The following PCTP variants were observed in gnomAD, a reference collection of about 807,000 sequenced individuals.
PCTP encodes the protein START domain-containing protein 2.
In PCTP, 27 loss-of-function variants were observed where a neutral mutation model predicts 31.0. The ratio of observed to expected loss-of-function variants is 0.87; its 90% confidence interval spans 0.64 to 1.20. PCTP has a LOEUF of 1.20. Among genes scored for constraint, PCTP ranks in the 50% most tolerant of loss-of-function variants. The pLI is 0.00. For missense variants in PCTP, 287 were observed against 268.2 expected (o/e 1.07, Z -0.49); for synonymous variants, 108 against 101.2 (o/e 1.07, Z -0.40).
In PCTP at chr17:55,796,154, G is replaced by T. The variant is rs368473322; in HGVS notation, c.317+8500G>T. The stretch of plus-strand genomic sequence containing the variant: ...ATGAGATAAATATGTTGCCATCAGA[G>T]ATTAGAGTACTGTGTCAGTAATAAT... On this transcript the variant is annotated intron_variant, in intron 3 of 3. Coordinates refer to the PCTP transcript ENST00000572536. Among the ~76,000 whole-genome samples, 86 of 152,112 alleles carry T rather than the reference G, an allele frequency of 5.7e-4. 1 individual carries two copies. The South Asian group carries it at 0.017, about 29-fold the overall frequency.
At chr17:55,770,842 C>A (rs1910948708) in intron 2 of PCTP, 1 of 296,772 alleles carries the variant, frequency 3.4e-6, no homozygotes. Flanking sequence ...ACCTCAGCCT[C>A]CAGAGTAGCT....
At chr17:55,845,722 A>G (rs1598028112), downstream of PCTP, among the ~76,000 whole-genome samples, 1 of 150,864 alleles carries the variant, frequency 6.6e-6, no homozygotes, top group African/African-American at 2.4e-5. Flanking sequence ...AGCACCTGGG[A>G]CCCCCGGGAC....
At position 55,785,510 on chromosome 17, in the gene PCTP, A is replaced by G. The variant is rs560090155; in HGVS notation, c.229-2056A>G. Among the ~76,000 whole-genome samples the G allele has an allele frequency of 3.9e-5, 6 of 152,364 alleles. No individual in the cohort carries two copies. In the East Asian group the frequency reaches 9.6e-4, roughly 24 times the overall value. On this transcript the variant is annotated intron_variant, in intron 2 of 3. Coordinates refer to the PCTP transcript ENST00000572536. Reference sequence around the variant, plus strand: ...TTAAGCCAGTAAGATCTATGTAGTGATAGATAACTGAAGCAATGCCTCATT... The same window carrying G: ...TTAAGCCAGTAAGATCTATGTAGTGGTAGATAACTGAAGCAATGCCTCATT...
intron 3 of PCTP, among the ~76,000 whole-genome samples, chr17:55,771,931 A>G (rs1360281922): frequency 1.3e-5 from 2 of 152,062 alleles, no homozygotes; most frequent in African/African-American, 2.4e-5. Context: ...TACAGGTTCA[A>G]TTTCCATGTA....
rs375282768 is a variant in PCTP, at chr17:55,767,330, T to C, written c.142-5T>C. 1.6e-5 allele frequency: 25 copies of C among 1,574,652 alleles called. No homozygotes were observed. The African/African-American group carries it at 3.2e-4, about 20-fold the overall frequency. On this transcript the variant is annotated splice_polypyrimidine_tract_variant and splice_region_variant and intron_variant, in intron 1 of 5. Transcript: ENST00000268896. ...TAGACATTTCTACCTGTTCTGTTTT[T>C]ATAGAAGACTGGACTTTATGAGTAT... is the stretch of plus-strand genomic sequence containing the variant.
intron 5 of PCTP, among the ~76,000 whole-genome samples, chr17:55,835,798 C>T (rs12946755): frequency 0.16 from 23,853 of 152,170 alleles, 2,128 homozygotes; most frequent in East Asian, 0.4. Flanking sequence ...ACTAGTAGGA[C>T]GTCTTTCTCT....
intron 3 of PCTP, among the ~76,000 whole-genome samples, chr17:55,800,306 A>G (rs1354355402): frequency 1.3e-5 from 2 of 151,572 alleles, no homozygotes; most frequent in African/African-American, 4.8e-5. Context: ...TTGGTTTCAA[A>G]CTTTATTTCA....
chr17:55,767,601 A>T (rs984537458), intron 2 of PCTP, 149 bp downstream of exon 2: 5 of 478,268 alleles, frequency 1.0e-5, no homozygotes, highest in African/African-American at 2.0e-5. Context: ...AGTAGCTGGG[A>T]CTACAGGCGC....
chr17:55,847,919 GT>G, the PCTP span, among the ~76,000 whole-genome samples: 2 of 151,860 alleles, frequency 1.3e-5, no homozygotes, highest in African/African-American at 4.8e-5. Flanking sequence ...TTTTGTTTTT[GT>G]TTTTGTTTTT....
intron 5 of PCTP, among the ~76,000 whole-genome samples, chr17:55,838,915 A>G (rs1290693541): frequency 6.6e-6 from 1 of 152,222 alleles, no homozygotes; most frequent in Non-Finnish European, 1.5e-5. Context: ...AGCATACAGA[A>G]TGCTAAGGCT....
At chr17:55,784,023 G>A (rs1053144855) in intron 2 of PCTP, among the ~76,000 whole-genome samples, 6 of 152,092 alleles carry the variant, frequency 3.9e-5, no homozygotes, top group Non-Finnish European at 7.4e-5. Flanking sequence ...GAGGACTAGC[G>A]GATCAACCAG....
chr17:55,766,846 C>A (rs1466611437), intron 1 of PCTP, among the ~76,000 whole-genome samples: 1 of 151,986 alleles, frequency 6.6e-6, no homozygotes, highest in Non-Finnish European at 1.5e-5. Flanking sequence ...CACTGACTTC[C>A]ACAATGGTTG....
chr17:55,774,506 C>G (rs1911197801), intron 4 of PCTP, among the ~76,000 whole-genome samples: 1 of 152,170 alleles, frequency 6.6e-6, no homozygotes, highest in Admixed American at 6.5e-5. Flanking sequence ...TTTACCATCT[C>G]CTTAGGATTG....
At chr17:55,825,521 G>A (rs575059070), downstream of PCTP, among the ~76,000 whole-genome samples, 38 of 152,334 alleles carry the variant, frequency 2.5e-4, no homozygotes, top group African/African-American at 8.2e-4. Flanking sequence ...GCCTATCACA[G>A]ACTTGCAGGT....
chr17:55,751,577 C>A, intron 1 of PCTP: 1 of 1,236,144 alleles, frequency 8.1e-7, no homozygotes, highest in Non-Finnish European at 1.1e-6. Flanking sequence ...GACGTTGATC[C>A]TCACTCTCCA....
chr17:55,787,247 A>G (rs1312292576), intron 2 of PCTP, among the ~76,000 whole-genome samples: 1 of 151,484 alleles, frequency 6.6e-6, no homozygotes, highest in East Asian at 2.0e-4. Context: ...ACAAAATGTG[A>G]AAACTCTTAT....
chr17:55,847,725 T>C (rs59850731), downstream of PCTP, among the ~76,000 whole-genome samples: 31,100 of 152,068 alleles, frequency 0.2, 3,934 homozygotes, highest in East Asian at 0.39. Context: ...CTAATGTCTC[T>C]GTTCAAAGCA....
rs758350417 is a variant in PCTP, at chr17:55,776,032, C to T, written c.580-3C>T. 1 of 1,613,762 alleles carries T rather than the reference C, an allele frequency of 6.2e-7. No homozygotes were observed. The highest frequency in any genetic ancestry group is 8.5e-7 in the Non-Finnish European group (1 of 1,179,852). ...AGAAATGACAGTCTCATTTCCTTTG[C>T]AGAATGGAGTTCCTAACTTCTTGAA... On this transcript the variant is annotated splice_region_variant and splice_polypyrimidine_tract_variant and intron_variant, in intron 5 of 5. Transcript: ENST00000268896.
intron 2 of PCTP, among the ~76,000 whole-genome samples, chr17:55,784,698 A>G (rs960899208): frequency 6.6e-6 from 1 of 152,178 alleles, no homozygotes; most frequent in Non-Finnish European, 1.5e-5. Flanking sequence ...AATCCAATAT[A>G]CCATTTACCA....
Sources: allele counts gnomAD v4.1 joint callset (sites outside exome capture counted in the v4.1 genomes callset), GRCh38; gene constraint gnomAD v4.1.1; transcripts MANE v1.5; gene names NCBI Gene and HGNC (gene_info 2026-07-23, HGNC 2026-07-21).